Variants in PRMT2 observed in about 807,000 individuals in gnomAD.
PRMT2 encodes protein arginine methyltransferase 2.
In PRMT2, 26 loss-of-function variants were observed where a neutral mutation model predicts 57.6. The ratio of observed to expected loss-of-function variants is 0.45; its 90% CI spans 0.33 to 0.63. The LOEUF is 0.63. Among genes scored for constraint, PRMT2 ranks in the 20% least tolerant of loss-of-function variants. The pLI is 0.02. For missense variants in PRMT2, 472 were observed against 564.4 expected, an observed-to-expected ratio of 0.84 and a Z score of 1.66; for synonymous variants, 219 against 220.0, an observed-to-expected ratio of 1.00 and a Z score of 0.04.
intron 7 of PRMT2, chr21:46,653,715 G>A (rs755460187): frequency 1.8e-5 from 22 of 1,249,052 alleles, no homozygotes; most frequent in South Asian, 5.8e-5. Context: ...GTGCCCACAC[G>A]CACACACACA....
At chr21:46,651,860 C>CT (rs1808474110) in intron 7 of PRMT2, 1 of 1,612,952 alleles carries the variant, frequency 6.2e-7, no homozygotes, top group Admixed American at 1.7e-5. Context: ...GTCTGGCCCT[C>CT]TTCACGTCCT....
At chr21:46,663,178 T>C (rs1439676654) in intron 10 of PRMT2, among the ~76,000 whole-genome samples, 1 of 152,218 alleles carries the variant, frequency 6.6e-6, no homozygotes, top group East Asian at 1.9e-4. Flanking sequence ...ATAGAGTCCC[T>C]TTAGATCACA....
At chr21:46,661,970 G>GGGGGGCGCGGAGA in intron 10 of PRMT2, 34 bp downstream of exon 10, 1 of 1,120,522 alleles carries the variant, frequency 8.9e-7, no homozygotes, top group Non-Finnish European at 1.1e-6. Context: ...GGGGTGCGGG[G>GGGGGGCGCGGAGA]TGGGGGGCAG....
chr21:46,658,919 A>C lies in PRMT2; in HGVS notation c.829A>C (p.Lys277Gln). ...NAYEFNLSAL[K>Q]SLAVKEFFSK... ...GTACGAGTTCAACCTCAGCGCTCTGAAGTAAGTGTCCACAGCTGGGACTGG... is the reference window on the plus strand; with the variant it reads ...GTACGAGTTCAACCTCAGCGCTCTGCAGTAAGTGTCCACAGCTGGGACTGG... Residue 277 changes from lysine to glutamine, a missense_variant and splice_region_variant, in exon 8 of 12, where the codon AAA (lysine) becomes CAA (glutamine). Around this residue, in one of 2 missense-constraint regions of PRMT2, gnomAD observed 229 missense variants for 217.2 expected, o/e 1.05. Transcript: ENST00000355680. 6.2e-7 allele frequency: 1 copy of C among 1,612,544 alleles called. No homozygotes were observed. The highest frequency in any genetic ancestry group is 8.5e-7 in the Non-Finnish European group (1 of 1,178,790).
chr21:46,654,246 A>G, intron 7 of PRMT2: 1 of 487,256 alleles, frequency 2.1e-6, no homozygotes, highest in Non-Finnish European at 2.7e-6. Flanking sequence ...AATTGTAGCA[A>G]TACATATGAT....
Position 46,644,346 on chromosome 21 carries a change from A to C in PRMT2, c.185A>C (p.Gln62Pro). ...LRGEKILILR[Q>P]TTADWWWGER... is the part of the protein sequence containing the mutation. ...GGAGAAAAAATTCTTATCCTGAGAC[A>C]AACCACTGCAGATTGGTGGTGGGGT... Residue 62 changes from glutamine (Q) to proline (P), a missense_variant, in exon 5 of 12, where the codon CAA becomes CCA. Gln to Pro is a moderately conservative substitution (Grantham distance 76). Transcript: ENST00000355680. The C allele has an allele frequency of 6.2e-7, 1 of 1,609,532 alleles. No homozygotes were observed. The highest frequency in any genetic ancestry group is 8.5e-7 in the Non-Finnish European group (1 of 1,178,672).
rs2061578384 is a variant in PRMT2 at position 46,658,863 on chromosome 21, A to T, written c.773A>T (p.Tyr258Phe). 1 of 1,614,062 alleles carries T rather than the reference A, an allele frequency of 6.2e-7. No individual in the cohort carries two copies. The highest frequency in any genetic ancestry group is 1.3e-5 in the African/African-American group (1 of 74,928). Residue 258 changes from tyrosine (Y) to phenylalanine (F), a missense_variant, in exon 8 of 12, where the codon TAT becomes TTT. By Grantham distance (22) the Tyr-to-Phe change is conservative (BLOSUM62 3). Coordinates refer to ENST00000355680, the MANE Select transcript of PRMT2 (RefSeq NM_206962.4). ...HLVPCSADKD[Y>F]RSKVLFWDNA... The stretch of plus-strand genomic sequence containing the variant: ...GTGCCCTGCAGTGCTGATAAGGATT[A>T]TCGTAGCAAGGTGCTCTTCTGGGAC...
Position 46,651,811 on chromosome 21 carries a change from G to A in PRMT2, c.654+2072G>A, listed in dbSNP as rs760104586. On this transcript the variant is annotated intron_variant, in intron 7 of 11. Coordinates refer to ENST00000355680, the MANE Select transcript of PRMT2 (RefSeq NM_206962.4). ...CCTTCACTTTCCGTCCCCAGGCTGC[G>A]CCTCTCCTGAGCTGCCGCATTCTCC... is the stretch of plus-strand genomic sequence containing the variant. The A allele has an allele frequency of 2.4e-5, 39 of 1,612,814 alleles. No homozygotes were observed. The South Asian group carries it at 4.3e-4, about 18-fold the overall frequency.
Position 46,649,516 on chromosome 21 carries a change from A to G in PRMT2, c.490-59A>G, listed in dbSNP as rs2061416883. 2 of 1,611,566 alleles carry G rather than the reference A, an allele frequency of 1.2e-6. No homozygotes were observed. The highest frequency in any genetic ancestry group is 2.7e-5 in the African/African-American group (2 of 74,934). On this transcript the variant is annotated intron_variant, in intron 6 of 11. Transcript: ENST00000355680. The surrounding 1 kb of genome is among the most constrained non-coding windows in gnomAD (Gnocchi z 4.8). The stretch of plus-strand genomic sequence containing the variant: ...CGTGATGCTGGTTGTGACTCAGGAG[A>G]GTAGATGACGGGCCGTGTGCCGGCC...
Position 46,661,800 on chromosome 21 carries a change from AC to A in PRMT2, c.964del (p.Leu322Ter), listed in dbSNP as rs1371900103. On this transcript the variant is annotated frameshift_variant and splice_region_variant, in exon 10 of 12. Transcript: ENST00000355680. LOFTEE classifies it high-confidence loss of function. The stretch of plus-strand genomic sequence containing the variant: ...GTGCCTTGTCATCTGCTTGACCCAG[AC>A]CCTGAGGGGCGAGCTGCGCTTCGAC... ...MRTVQISDLE[T>X]LRGELRFDIR... 1.4e-6 allele frequency: 2 copies of A among 1,416,530 alleles called. No homozygotes were observed. The highest frequency in any genetic ancestry group is 1.5e-5 in the South Asian group (1 of 65,466). The allele number at this position is 1,416,530 out of a possible 1,614,324, so 87.7% of individuals were successfully genotyped here. A position where few individuals can be genotyped will look rare whatever the true frequency, so the allele number is the denominator to read the frequency against.
rs758702230 is a variant in PRMT2, at chr21:46,643,537, A to G, written c.42A>G (p.Gly14=). ...ACGCTTTCCTTGGCTTTGAGCAGGGAGAAGAGCCTGCTGAGTGCAGTGAGG... is the reference window on the plus strand; with the variant it reads ...ACGCTTTCCTTGGCTTTGAGCAGGGGGAAGAGCCTGCTGAGTGCAGTGAGG... ...SGDCPRSESQ[G]EEPAECSEAG... Residue 14 remains glycine (G), a splice_region_variant and synonymous_variant, in exon 4 of 12, where the codon GGA becomes GGG. Coordinates refer to ENST00000355680, the MANE Select transcript of PRMT2 (RefSeq NM_206962.4). 1 of 1,573,142 alleles carries G rather than the reference A, an allele frequency of 6.4e-7. No homozygotes were observed. The highest frequency in any genetic ancestry group is 1.9e-5 in the Admixed American group (1 of 52,040).
intron 7 of PRMT2, chr21:46,652,901 G>A: frequency 2.3e-6 from 3 of 1,303,136 alleles, no homozygotes; most frequent in Non-Finnish European, 3.0e-6. Flanking sequence ...CGAGAAGCAG[G>A]TTGCACACTC....
chr21:46,663,700 G>A (rs1303605724), intron 11 of PRMT2, 146 bp downstream of exon 11: 8 of 833,954 alleles, frequency 9.6e-6, no homozygotes, highest in Admixed American at 2.9e-5. Context: ...CACAGAAAGC[G>A]CCTGTTGTCA....
At chr21:46,660,122 A>G (rs2061598665) in intron 8 of PRMT2, 4 of 971,666 alleles carry the variant, frequency 4.1e-6, no homozygotes, top group Middle Eastern at 5.3e-4. Context: ...AATCTTTATT[A>G]AAACATTCAC....
intron 5 of PRMT2, among the ~76,000 whole-genome samples, chr21:46,646,963 G>T (rs2061374384): frequency 6.6e-6 from 1 of 152,198 alleles, no homozygotes; most frequent in Admixed American, 6.5e-5. Flanking sequence ...GGAGGGCTGG[G>T]AGCACCTCTT....
chr21:46,647,530 A>C, intron 5 of PRMT2, among the ~76,000 whole-genome samples: 1 of 151,966 alleles, frequency 6.6e-6, no homozygotes, highest in East Asian at 1.9e-4. Flanking sequence ...ATGGTGTCAC[A>C]CTCTGTCGTA....
chr21:46,651,480 C>T (rs1305504908), intron 7 of PRMT2, among the ~76,000 whole-genome samples: 1 of 151,668 alleles, frequency 6.6e-6, no homozygotes, highest in Non-Finnish European at 1.5e-5. Context: ...GAGGGGCCAC[C>T]CTGAGCAGGA....
intron 11 of PRMT2, 46 bp downstream of exon 11, chr21:46,663,600 C>T (rs368584985): frequency 6.8e-5 from 108 of 1,585,758 alleles, no homozygotes; most frequent in Non-Finnish European, 9.5e-6. Flanking sequence ...TGCCGGTCCT[C>T]AGGGAGACAG....
intron 9 of PRMT2, chr21:46,661,260 A>C: frequency 4.4e-6 from 1 of 229,154 alleles, no homozygotes; most frequent in East Asian, 9.5e-5. Context: ...AATAAATTAT[A>C]TTTCGTTTCA....
Sources: gnomAD v4.1 joint callset for allele counts (sites outside exome capture counted in the v4.1 genomes callset) on GRCh38, gnomAD v4.1.1 for gene constraint, gnomAD v4.1.1 regional missense constraint, Gnocchi (gnomAD v3.1) non-coding constraint, MANE v1.5 for transcripts, NCBI Gene and HGNC (gene_info 2026-07-23, HGNC 2026-07-21) for gene names.